Variants in TBC1D1 observed in about 807,000 individuals in gnomAD.
TBC1D1 encodes TBC1 (tre-2/USP6, BUB2, cdc16) domain family, member 1.
In TBC1D1, 89 loss-of-function variants were observed where a neutral mutation model predicts 125.6. The observed-to-expected ratio is 0.71, with a 90% CI of 0.60 to 0.85. TBC1D1 has a LOEUF of 0.85. Among genes scored for constraint, TBC1D1 ranks in the 40% least tolerant of loss-of-function variants. The pLI is 0.00. For missense variants in TBC1D1, 1,377 were observed against 1,469.2 expected (o/e 0.94, Z 1.03); for synonymous variants, 565 against 564.1 (o/e 1.00, Z -0.02).
In TBC1D1 at chr4:37,906,472, A is replaced by G. The variant is rs555840115; in HGVS notation, c.417+3960A>G. The stretch of plus-strand genomic sequence containing the variant: ...CTCATCCTTTCTTAAAATGAGTTAT[A>G]CATTTGTAAGCTGCTGATTTCTTTG... On this transcript the variant is annotated intron_variant, in intron 2 of 19. Transcript: ENST00000261439. Among the ~76,000 whole-genome samples the G allele has an allele frequency of 6.2e-4, 95 of 152,310 alleles. 1 individual carries two copies. Among genetic ancestry groups the G allele is most frequent in the Middle Eastern group, 6.8e-3 (2 of 294 alleles).
intron 17 of TBC1D1, among the ~76,000 whole-genome samples, chr4:38,121,490 C>T (rs569386291): frequency 2.2e-4 from 33 of 152,232 alleles, no homozygotes; most frequent in Admixed American, 4.6e-4. Context: ...CCGGATAAAA[C>T]GTCTTGCCTG....
chr4:38,134,456 G>A (rs1057165072), intron 19 of TBC1D1, among the ~76,000 whole-genome samples: 3 of 152,108 alleles, frequency 2.0e-5, no homozygotes, highest in Non-Finnish European at 2.9e-5. Flanking sequence ...AATTTACCCT[G>A]GAAGTCTCAG....
intron 12 of TBC1D1, among the ~76,000 whole-genome samples, chr4:38,075,766 C>G (rs1755483512): frequency 6.6e-6 from 1 of 152,144 alleles, no homozygotes; most frequent in Non-Finnish European, 1.5e-5. Context: ...AGTAGTTTAT[C>G]TCTTGTCATC....
chr4:37,977,604 G>T lies in TBC1D1; in HGVS notation c.418-36905G>T. ...GGGGCTGGAACATTTGTAACCTTCG[G>T]GCCGGGGCTGGGCCGGGCCGCTGGA... On this transcript the variant is annotated intron_variant, in intron 2 of 19. Coordinates refer to ENST00000261439, the MANE Select transcript of TBC1D1 (RefSeq NM_015173.4). This position sits in a 1 kb window ranked among gnomAD's most constrained non-coding sequence, Gnocchi z 4.3. The T allele has an allele frequency of 2.3e-6, 1 of 437,264 alleles. No individual in the cohort carries two copies. The allele number at this position is 437,264 out of a possible 1,614,324, so 27.1% of individuals were successfully genotyped here. A position where few individuals can be genotyped will look rare whatever the true frequency, so the allele number is the denominator to read the frequency against.
chr4:38,028,346 A>G (rs1164293528), intron 7 of TBC1D1, among the ~76,000 whole-genome samples: 1 of 152,102 alleles, frequency 6.6e-6, no homozygotes, highest in Non-Finnish European at 1.5e-5. Context: ...TTGTATTTTT[A>G]GTAGAGACAG....
intron 2 of TBC1D1, among the ~76,000 whole-genome samples, chr4:37,931,778 T>C (rs1723319893): frequency 6.6e-6 from 1 of 151,992 alleles, no homozygotes; most frequent in Admixed American, 6.6e-5. Context: ...GCCCGGCCTT[T>C]CCATTCCTCT....
At chr4:37,991,083 G>A (rs1221211637) in intron 2 of TBC1D1, among the ~76,000 whole-genome samples, 2 of 152,248 alleles carry the variant, frequency 1.3e-5, no homozygotes, top group South Asian at 2.1e-4. Context: ...GGAAGGTGGT[G>A]AAGGCAGTCA....
chr4:38,093,436 A>G (rs1758761130), intron 13 of TBC1D1, among the ~76,000 whole-genome samples: 1 of 152,052 alleles, frequency 6.6e-6, no homozygotes, highest in Admixed American at 6.6e-5. Flanking sequence ...TTAGATAGCT[A>G]ATTTTCATTG....
At chr4:37,928,803 G>A (rs781545091) in intron 2 of TBC1D1, among the ~76,000 whole-genome samples, 8 of 152,190 alleles carry the variant, frequency 5.3e-5, no homozygotes, top group Non-Finnish European at 2.9e-5. Context: ...TTGCAGAAAC[G>A]GATGCCGTTA....
chr4:38,005,275 A>G (rs1489355203), intron 2 of TBC1D1, among the ~76,000 whole-genome samples: 1 of 152,140 alleles, frequency 6.6e-6, no homozygotes, highest in Non-Finnish European at 1.5e-5. Flanking sequence ...CAAAGCTTAC[A>G]TTTTTCAGTA....
At chr4:37,980,611 A>G (rs954928934) in intron 2 of TBC1D1, among the ~76,000 whole-genome samples, 8 of 152,220 alleles carry the variant, frequency 5.3e-5, no homozygotes, top group Non-Finnish European at 1.2e-4. Context: ...AAATATACAT[A>G]TGTCAGTTTA....
chr4:38,090,667 C>A (rs1398783156), intron 13 of TBC1D1, among the ~76,000 whole-genome samples: 5 of 152,146 alleles, frequency 3.3e-5, no homozygotes, highest in Non-Finnish European at 5.9e-5. Context: ...TTCCTGTTTC[C>A]ATGCTGACAC....
chr4:38,076,604 T>C (rs1225561917), intron 12 of TBC1D1, among the ~76,000 whole-genome samples: 1 of 152,020 alleles, frequency 6.6e-6, no homozygotes, highest in African/African-American at 2.4e-5. Flanking sequence ...ACCTAGAATA[T>C]AGAATGGAAG....
chr4:37,923,153 G>C (rs549331829), intron 2 of TBC1D1, among the ~76,000 whole-genome samples: 255 of 152,002 alleles, frequency 1.7e-3, no homozygotes, highest in African/African-American at 5.9e-3. Flanking sequence ...TCCCCTCCCT[G>C]AGTCCATGTG....
chr4:38,028,912 T>A (rs28621803), intron 7 of TBC1D1, among the ~76,000 whole-genome samples: 6,605 of 152,284 alleles, frequency 0.043, 470 homozygotes, highest in African/African-American at 0.15. Context: ...TAGGTCATGC[T>A]GTCTACTTGG....
chr4:37,995,705 C>G lies in TBC1D1; in HGVS notation c.418-18804C>G. ...GCCTTGGCCACAGCATCCCCGTGTTCTGAGAAGTATTTGGAAATGGTTGTC... is the reference window on the plus strand; with the variant it reads ...GCCTTGGCCACAGCATCCCCGTGTTGTGAGAAGTATTTGGAAATGGTTGTC... On this transcript the variant is annotated intron_variant, in intron 2 of 19. Coordinates refer to ENST00000261439, the MANE Select transcript of TBC1D1 (RefSeq NM_015173.4). The surrounding 1 kb of genome is among the most constrained non-coding windows in gnomAD (Gnocchi z 4.3). 1.9e-6 allele frequency: 1 copy of G among 524,970 alleles called. No homozygotes were observed. Among genetic ancestry groups the G allele is most frequent in the Non-Finnish European group, 3.8e-6 (1 of 262,318 alleles). The allele number at this position is 524,970 out of a possible 1,614,324, so 32.5% of individuals were successfully genotyped here. A position where few individuals can be genotyped will look rare whatever the true frequency, so the allele number is the denominator to read the frequency against.
intron 6 of TBC1D1, among the ~76,000 whole-genome samples, chr4:38,023,085 C>G (rs933809947): frequency 2.6e-5 from 4 of 151,624 alleles, no homozygotes; most frequent in African/African-American, 9.7e-5. Context: ...TACGTTTCTA[C>G]TAAATACAAA....
intron 2 of TBC1D1, among the ~76,000 whole-genome samples, chr4:37,994,625 GTCT>G (rs1737365393): frequency 7.0e-6 from 1 of 142,940 alleles, no homozygotes; most frequent in Admixed American, 7.3e-5. Flanking sequence ...AGGCATTTTT[GTCT>G]TCTTCCCCCA....
At chr4:38,038,591 A>G (rs953915462) in intron 8 of TBC1D1, among the ~76,000 whole-genome samples, 1 of 152,146 alleles carries the variant, frequency 6.6e-6, no homozygotes, top group Non-Finnish European at 1.5e-5. Flanking sequence ...TAAGTGTACC[A>G]TTTGTTGAGT....
Sources: allele counts gnomAD v4.1 joint callset (sites outside exome capture counted in the v4.1 genomes callset), GRCh38; gene constraint gnomAD v4.1.1; non-coding constraint Gnocchi (gnomAD v3.1); transcripts MANE v1.5; gene names NCBI Gene and HGNC (gene_info 2026-07-23, HGNC 2026-07-21).